The following HOXC6 variants were observed in gnomAD, a reference collection of about 807,000 sequenced individuals.
HOXC6 encodes the protein homeobox protein Hox-C6.
Under a neutral mutation model 24.0 loss-of-function variants are expected in HOXC6, and 10 were observed. The observed-to-expected ratio is 0.42, with a 90% CI of 0.26 to 0.71. The LOEUF (loss-of-function observed/expected upper bound fraction) is 0.71, where lower values mean the gene tolerates loss of function less well. Among genes scored for constraint, HOXC6 ranks in the 30% least tolerant of loss-of-function variants. HOXC6 has a pLI of 0.28. For synonymous variants in HOXC6, 123 were observed against 128.1 expected (o/e 0.96, Z 0.27); for missense variants, 258 against 303.4 (o/e 0.85, Z 1.11).
At position 54,029,701 on chromosome 12, in the gene HOXC6, G is replaced by C; in HGVS notation, c.447G>C (p.Ser149=). 6.2e-7 allele frequency: 1 copy of C among 1,614,114 alleles called. No individual in the cohort carries two copies. ...GGAGGCGCGGCCGCCAGATCTACTC[G>C]CGGTACCAGACCCTGGAACTGGAGA... ...ADRRRGRQIY[S]RYQTLELEKE... is the part of the protein sequence containing the mutation. The change falls in exon 2 of 2, where the codon TCG becomes TCC. Residue 149 remains serine (S), a synonymous_variant. Coordinates refer to ENST00000243108, the MANE Select transcript of HOXC6 (RefSeq NM_004503.4).
rs1196993781 is a variant in HOXC6 at position 54,028,627 on chromosome 12, C to T, written c.106C>T (p.His36Tyr). The T allele has an allele frequency of 6.2e-7, 1 of 1,614,026 alleles. No homozygotes were observed. Among genetic ancestry groups the T allele is most frequent in the Non-Finnish European group, 8.5e-7 (1 of 1,180,034 alleles). ...TTCCACCGCCTATGATCCAGTGAGG[C>T]ATTTCTCGACCTATGGAGCGGCCGT... ...LNSTAYDPVR[H>Y]FSTYGAAVAQ... is the part of the protein sequence containing the mutation. The change falls in exon 1 of 2, where the codon CAT becomes TAT. Residue 36 changes from histidine (H) to tyrosine (Y), a missense_variant. Coordinates refer to ENST00000243108, the MANE Select transcript of HOXC6 (RefSeq NM_004503.4).
At position 54,028,451 on chromosome 12, in the gene HOXC6, G is replaced by T. The variant is rs926252689; in HGVS notation, c.-71G>T. 17 of 1,517,954 alleles carry T rather than the reference G, an allele frequency of 1.1e-5. No individual in the cohort carries two copies. Among genetic ancestry groups the T allele is most frequent in the Non-Finnish European group, 1.4e-5 (16 of 1,116,472 alleles). 94.0% of individuals were successfully genotyped at this position (1,517,954 alleles called of 1,614,324 possible). On this transcript the variant is annotated 5_prime_UTR_variant, in exon 1 of 2. Transcript: ENST00000243108. Reference sequence around the variant, plus strand: ...TTGGAGCCGTCCCTATAACCATCTAGTTCCGAGTACAAACTGGAGACAGAA... The same window carrying T: ...TTGGAGCCGTCCCTATAACCATCTATTTCCGAGTACAAACTGGAGACAGAA...
rs1191899938 is a variant in HOXC6 at position 54,029,688 on chromosome 12, G to A, written c.434G>A (p.Arg145His). The A allele has an allele frequency of 6.2e-7, 1 of 1,613,816 alleles. No homozygotes were observed. The highest frequency in any genetic ancestry group is 8.5e-7 in the Non-Finnish European group (1 of 1,179,778). Reference sequence around the variant, plus strand: ...TACGGAGCGGACCGGAGGCGCGGCCGCCAGATCTACTCGCGGTACCAGACC... The same window carrying A: ...TACGGAGCGGACCGGAGGCGCGGCCACCAGATCTACTCGCGGTACCAGACC... ...VGYGADRRRG[R>H]QIYSRYQTLE... The change falls in exon 2 of 2, where the codon CGC becomes CAC. Residue 145 changes from arginine (R) to histidine (H), a missense_variant. Physicochemically the swap from Arg to His is conservative, Grantham distance 29. Coordinates refer to ENST00000243108, the MANE Select transcript of HOXC6 (RefSeq NM_004503.4).
At chr12:54,023,707 T>C (rs1940552109), upstream of HOXC6, among the ~76,000 whole-genome samples, 1 of 152,226 alleles carries the variant, frequency 6.6e-6, no homozygotes. Context: ...TATCCATTTC[T>C]GTGTTAGGTG....
At chr12:54,018,377 G>A (rs1199863489) in intron 1 of HOXC6, among the ~76,000 whole-genome samples, 9 of 152,218 alleles carry the variant, frequency 5.9e-5, no homozygotes, top group African/African-American at 1.4e-4. Flanking sequence ...AAGGCCCTAG[G>A]CTGGGCGGGG....
At chr12:54,018,312 G>T (rs976354592) in intron 1 of HOXC6, among the ~76,000 whole-genome samples, 4 of 151,396 alleles carry the variant, frequency 2.6e-5, no homozygotes, top group African/African-American at 9.7e-5. Context: ...CGCTCGCCAC[G>T]CATGGCTGCT....
In HOXC6 at chr12:54,028,884, G is replaced by C. The variant is rs762991519; in HGVS notation, c.363G>C (p.Gln121His). 3.7e-6 allele frequency: 6 copies of C among 1,613,262 alleles called. No individual in the cohort carries two copies. The South Asian group carries it at 6.6e-5, about 18-fold the overall frequency. ...CCCAGGACCAGAAAGCCAGTATCCAGATTTACCCCTGGATGCAGCGAATGA... is the reference window on the plus strand; with the variant it reads ...CCCAGGACCAGAAAGCCAGTATCCACATTTACCCCTGGATGCAGCGAATGA... The part of the protein sequence containing the change: ...TAPQDQKASI[Q>H]IYPWMQRMNS... The change falls in exon 1 of 2, where the codon CAG becomes CAC. Residue 121 changes from glutamine (Q) to histidine (H), a missense_variant. Physicochemically the swap from Gln to His is conservative, Grantham distance 24. Transcript: ENST00000243108.
intron 1 of HOXC6, among the ~76,000 whole-genome samples, chr12:54,018,707 A>T (rs1232388446): frequency 1.3e-5 from 2 of 151,930 alleles, no homozygotes; most frequent in African/African-American, 4.8e-5. Context: ...TTCTGTTTAT[A>T]AACGGCGACG....
chr12:54,017,454 T>C (rs1940204356), intron 1 of HOXC6: 1 of 147,428 alleles, frequency 6.8e-6, no homozygotes, highest in South Asian at 2.1e-4. Flanking sequence ...TAACTAATGG[T>C]CCGTGGCGGT....
In HOXC6 at chr12:54,028,735, T is replaced by C; in HGVS notation, c.214T>C (p.Tyr72His). ...CAGTTCCAGCCGGGGGCCGTATGAC[T>C]ATGGATCTAATTCCTTTTACCAGGA... ...VFSSSRGPYDYGSNSFYQEKD... is the reference protein window; with the variant it reads ...VFSSSRGPYDHGSNSFYQEKD... The change falls in exon 1 of 2, where the codon TAT becomes CAT. Residue 72 changes from tyrosine (Y) to histidine (H), a missense_variant. Tyr to His is a moderately conservative substitution (Grantham distance 83). Transcript: ENST00000243108. The C allele has an allele frequency of 6.2e-7, 1 of 1,614,138 alleles. No homozygotes were observed. The highest frequency in any genetic ancestry group is 8.5e-7 in the Non-Finnish European group (1 of 1,180,032).
At chr12:54,027,982 T>C (rs1014262866), upstream of HOXC6, among the ~76,000 whole-genome samples, 2 of 152,216 alleles carry the variant, frequency 1.3e-5, no homozygotes, top group African/African-American at 2.4e-5. Context: ...CAGGATTTCC[T>C]GCAGGATTTC....
intron 1 of HOXC6, chr12:54,020,129 T>C (rs1484371522): frequency 6.6e-6 from 1 of 152,280 alleles, no homozygotes; most frequent in African/African-American, 2.4e-5. Context: ...CTAAGCCTCC[T>C]TGCAGGCCAC....
At chr12:54,028,251 A>C, upstream of HOXC6, 1 of 131,564 alleles carries the variant, frequency 7.6e-6, no homozygotes, top group Non-Finnish European at 1.4e-5. Context: ...CCTTACATAT[A>C]TATATATATA....
upstream of HOXC6, among the ~76,000 whole-genome samples, chr12:54,025,037 G>A (rs961428203): frequency 4.6e-5 from 7 of 152,088 alleles, no homozygotes; most frequent in East Asian, 3.8e-4. Context: ...AGCCCCTTCC[G>A]AATGCCTGAT....
chr12:54,025,696 C>T (rs1354495711), upstream of HOXC6, among the ~76,000 whole-genome samples: 5 of 152,092 alleles, frequency 3.3e-5, no homozygotes, highest in Admixed American at 3.3e-4. Context: ...CAGTCTCTGC[C>T]CTCTGTTTAG....
intron 1 of HOXC6, among the ~76,000 whole-genome samples, chr12:54,022,961 T>A (rs1389652288): frequency 6.6e-6 from 1 of 152,212 alleles, no homozygotes; most frequent in Non-Finnish European, 1.5e-5. Context: ...TGTGACATCC[T>A]CTTGAGGCCC....
At chr12:54,025,710 C>T (rs540465320), upstream of HOXC6, among the ~76,000 whole-genome samples, 22 of 152,206 alleles carry the variant, frequency 1.4e-4, no homozygotes, top group African/African-American at 5.1e-4. Context: ...TGTTTAGGGA[C>T]GTCATAAAAC....
intron 1 of HOXC6, chr12:54,021,552 G>A (rs1291927785): frequency 6.6e-6 from 1 of 152,234 alleles, no homozygotes; most frequent in Non-Finnish European, 1.5e-5. Flanking sequence ...GGACCAGAGC[G>A]GGGCTGGAGG....
upstream of HOXC6, among the ~76,000 whole-genome samples, chr12:54,027,285 C>T (rs1027743347): frequency 2.6e-5 from 4 of 152,292 alleles, no homozygotes; most frequent in East Asian, 7.7e-4. Flanking sequence ...TCCTTAGAAC[C>T]CCTTTCTGAA....
Sources: gnomAD v4.1 joint callset for allele counts (sites outside exome capture counted in the v4.1 genomes callset) on GRCh38, gnomAD v4.1.1 for gene constraint, MANE v1.5 for transcripts, NCBI Gene and HGNC (gene_info 2026-07-23, HGNC 2026-07-21) for gene names.